Variants in ENOX2 observed in about 807,000 individuals in gnomAD.
The protein encoded by ENOX2 is ecto-NOX disulfide-thiol exchanger 2.
A neutral mutation model predicts 45.0 loss-of-function variants in ENOX2; 36 were observed. That is an observed-to-expected ratio of 0.80 (90% CI 0.61 to 1.06). The LOEUF is 1.06. Ranked by LOEUF, ENOX2 falls within the 50% of genes least tolerant of loss-of-function variation. The pLI, the probability that ENOX2 is intolerant of heterozygous loss-of-function variation, is 0.00. For synonymous variants in ENOX2, 174 were observed against 152.3 expected, an observed-to-expected ratio of 1.14 and a Z score of -1.05; for missense variants, 423 against 462.5, an observed-to-expected ratio of 0.91 and a Z score of 0.78.
intron 2 of ENOX2, among the ~76,000 whole-genome samples, chrX:130,882,430 C>T (rs769053529): frequency 9.1e-6 from 1 of 109,594 alleles, no homozygotes; most frequent in Non-Finnish European, 1.9e-5. Flanking sequence ...AACAGTTAGG[C>T]ATAAAATGGA....
Position 130,658,975 on chromosome X carries a change from T to C in ENOX2, c.1015-2280A>G, listed in dbSNP as rs1235851545. Among the ~76,000 whole-genome samples the C allele has an allele frequency of 2.7e-5, 3 of 112,053 alleles. No individual in the cohort carries two copies. In the East Asian group the frequency reaches 8.4e-4, roughly 31 times the overall value. On this transcript the variant is annotated intron_variant, in intron 9 of 14. Coordinates refer to ENST00000394363, the MANE Select transcript of ENOX2 (RefSeq NM_006375.4). ...AACACTGAAAATGATTAAGATCCCA[T>C]GATAAAAGTCACTTTAAAAAGGTAA...
At chrX:130,807,701 T>A (rs2077327742) in intron 2 of ENOX2, among the ~76,000 whole-genome samples, 1 of 111,483 alleles carries the variant, frequency 9.0e-6, no homozygotes, top group African/African-American at 3.3e-5. Context: ...AATATAGGAT[T>A]CCCTTACAGT....
intron 10 of ENOX2, among the ~76,000 whole-genome samples, chrX:130,639,656 A>T (rs1391213197): frequency 8.9e-6 from 1 of 111,982 alleles, no homozygotes; most frequent in Non-Finnish European, 1.9e-5. Context: ...TTTTTAAAAA[A>T]CTATGATTAA....
intron 3 of ENOX2, among the ~76,000 whole-genome samples, chrX:130,772,396 G>A (rs1401603836): frequency 9.0e-6 from 1 of 111,401 alleles, no homozygotes; most frequent in Admixed American, 9.6e-5. Context: ...ATTATGGAGG[G>A]GAATAAAAAA....
At chrX:130,801,170 C>T (rs1402430327) in intron 2 of ENOX2, among the ~76,000 whole-genome samples, 2 of 112,311 alleles carry the variant, frequency 1.8e-5, no homozygotes, top group African/African-American at 3.2e-5. Flanking sequence ...AAAGTCTTGG[C>T]GTGCTAGCAC....
rs778200934 is a variant in ENOX2, at chrX:130,688,814, TG to T, written c.253+48del. ...CTTTTGAGAAAGAAGAAAGCTTTCT[TG>T]TACACTAAAATATTGTGTCTTGTGT... is the stretch of plus-strand genomic sequence containing the variant. On this transcript the variant is annotated intron_variant, in intron 5 of 14. Coordinates refer to ENST00000394363, the MANE Select transcript of ENOX2 (RefSeq NM_006375.4). The T allele has an allele frequency of 2.9e-5, 29 of 1,000,583 alleles. No individual in the cohort carries two copies. In the Admixed American group the frequency reaches 7.6e-4, roughly 26 times the overall value. The allele number at this position is 1,000,583 out of a possible 1,213,427, so 82.5% of individuals were successfully genotyped here.
chrX:130,761,954 G>A (rs1015328683), intron 3 of ENOX2, among the ~76,000 whole-genome samples: 1 of 111,444 alleles, frequency 9.0e-6, no homozygotes. Flanking sequence ...GGTACTGTAC[G>A]TCTTTTTTTC....
chrX:130,796,596 A>G (rs2077132403), intron 2 of ENOX2, among the ~76,000 whole-genome samples: 1 of 112,131 alleles, frequency 8.9e-6, no homozygotes, highest in South Asian at 3.8e-4. Flanking sequence ...CATTTTCATA[A>G]TAGGTCTCAG....
intron 2 of ENOX2, among the ~76,000 whole-genome samples, chrX:130,889,291 A>G (rs1174676272): frequency 8.9e-6 from 1 of 111,800 alleles, no homozygotes; most frequent in African/African-American, 3.3e-5. Flanking sequence ...AGCAGCCAAA[A>G]GAAAGGTGGG....
chrX:130,841,037 T>A (rs2078007539), intron 2 of ENOX2, among the ~76,000 whole-genome samples: 1 of 111,898 alleles, frequency 8.9e-6, no homozygotes, highest in Non-Finnish European at 1.9e-5. Context: ...CCATACTGAG[T>A]CATGGGCCAT....
At chrX:130,681,630 C>A (rs1440191975) in intron 5 of ENOX2, among the ~76,000 whole-genome samples, 1 of 111,528 alleles carries the variant, frequency 9.0e-6, no homozygotes, top group East Asian at 2.8e-4. Context: ...AATTATATAA[C>A]CCCTGAAAAC....
intron 3 of ENOX2, among the ~76,000 whole-genome samples, chrX:130,729,695 C>T (rs1158381187): frequency 8.9e-6 from 1 of 112,299 alleles, no homozygotes; most frequent in Non-Finnish European, 1.9e-5. Flanking sequence ...ATTTATGAAG[C>T]ATTGGCTCAC....
intron 3 of ENOX2, among the ~76,000 whole-genome samples, chrX:130,772,634 T>C (rs1314488593): frequency 2.7e-5 from 3 of 112,053 alleles, no homozygotes; most frequent in Admixed American, 1.9e-4. Flanking sequence ...ATGCTGGGAA[T>C]GCCTCTCACA....
At chrX:130,819,117 T>C (rs1432480698) in intron 2 of ENOX2, among the ~76,000 whole-genome samples, 1 of 111,747 alleles carries the variant, frequency 8.9e-6, no homozygotes, top group Non-Finnish European at 1.9e-5. Context: ...AACAAACATA[T>C]GAAAAAAAGC....
At chrX:130,786,672 A>C (rs1206175025) in intron 2 of ENOX2, among the ~76,000 whole-genome samples, 11 of 93,125 alleles carry the variant, frequency 1.2e-4, no homozygotes, top group South Asian at 6.0e-4. Flanking sequence ...TTTGTTCTTG[A>C]GATAGTTTAC....
chrX:130,809,642 T>C (rs1229023468), intron 2 of ENOX2, among the ~76,000 whole-genome samples: 1 of 111,708 alleles, frequency 9.0e-6, no homozygotes, highest in African/African-American at 3.3e-5. Flanking sequence ...ATTAAAATTG[T>C]GAGTAGAACA....
intron 3 of ENOX2, among the ~76,000 whole-genome samples, chrX:130,706,515 G>A (rs2038041426): frequency 9.0e-6 from 1 of 111,639 alleles, no homozygotes; most frequent in South Asian, 3.8e-4. Flanking sequence ...ATTTACCACC[G>A]ACTGCCTTGG....
At chrX:130,707,352 A>T (rs1241863133) in intron 3 of ENOX2, among the ~76,000 whole-genome samples, 1 of 111,910 alleles carries the variant, frequency 8.9e-6, no homozygotes, top group Non-Finnish European at 1.9e-5. Context: ...AAGCTCCATT[A>T]GCACCAAAAG....
At chrX:130,771,987 GC>G (rs1002904876) in intron 3 of ENOX2, among the ~76,000 whole-genome samples, 4 of 111,879 alleles carry the variant, frequency 3.6e-5, no homozygotes, top group Admixed American at 1.9e-4. Flanking sequence ...TCAGTTAGGG[GC>G]CCAGAAGGAA....
Sources: allele counts gnomAD v4.1 joint callset (sites outside exome capture counted in the v4.1 genomes callset), GRCh38; gene constraint gnomAD v4.1.1; transcripts MANE v1.5; gene names NCBI Gene and HGNC (gene_info 2026-07-23, HGNC 2026-07-21).